The following NRXN1 variants were observed in gnomAD, a reference collection of about 807,000 sequenced individuals.
The protein encoded by NRXN1 is neurexin 1.
A neutral mutation model predicts 150.9 loss-of-function variants in NRXN1; 39 were observed. The observed-to-expected ratio is 0.26, with a 90% CI of 0.20 to 0.34. The LOEUF (loss-of-function observed/expected upper bound fraction) is 0.34, where lower values mean the gene tolerates loss of function less well. NRXN1 is among the 10% of genes least tolerant of loss of function. The pLI, the probability that NRXN1 is intolerant of heterozygous loss-of-function variation, is 1.00. For missense variants in NRXN1, 1,815 were observed against 1,949.9 expected (o/e 0.93, Z 1.30); for synonymous variants, 924 against 757.0 (o/e 1.22, Z -3.62).
In NRXN1 at chr2:50,552,976, T is replaced by C. The variant is rs1373109685; in HGVS notation, c.1370A>G (p.Lys457Arg). Residue 457 changes from lysine to arginine, a missense_variant, in exon 9 of 23, where the codon AAG becomes AGG. By Grantham distance (26) the Lys-to-Arg change is conservative (BLOSUM62 2). Around this residue, in one of 6 missense-constraint regions of NRXN1, gnomAD observed 638 missense variants for 652.6 expected, o/e 0.98. Transcript: ENST00000401669. Reference sequence around the variant, plus strand: ...GATCTTCATCTTAGGATCTCCTTGCTTGGCAAGTCGAGATAATTCCAGCCT... The same window carrying C: ...GATCTTCATCTTAGGATCTCCTTGCCTGGCAAGTCGAGATAATTCCAGCCT... ...DVRLELSRLA[K>R]QGDPKMKIHG... The C allele has an allele frequency of 2.5e-6, 4 of 1,613,404 alleles. No homozygotes were observed. Among genetic ancestry groups the C allele is most frequent in the Non-Finnish European group, 2.5e-6 (3 of 1,179,528 alleles).
chr2:50,480,219 T>C lies in NRXN1; in HGVS notation c.3071-7748A>G, dbSNP rs75528693. 2.7e-3 allele frequency among the ~76,000 whole-genome samples: 406 copies of C among 152,318 alleles called. 9 individuals are homozygous for C. In the East Asian group the frequency reaches 0.035, roughly 13 times the overall value. ...TTAACTGACACATACTGAATTTATT[T>C]GTAGAAAGAGATACAGAGATGAAGA... On this transcript the variant is annotated intron_variant, in intron 15 of 22. Coordinates refer to ENST00000401669, the MANE Select transcript of NRXN1 (RefSeq NM_001330078.2).
intron 5 of NRXN1, among the ~76,000 whole-genome samples, chr2:50,789,338 T>C (rs1574481831): frequency 6.6e-6 from 1 of 152,188 alleles, no homozygotes; most frequent in Non-Finnish European, 1.5e-5. Context: ...CGGCTTAACA[T>C]AAACTCATTG....
intron 5 of NRXN1, among the ~76,000 whole-genome samples, chr2:50,694,259 G>T (rs892659197): frequency 6.6e-6 from 1 of 152,134 alleles, no homozygotes; most frequent in Non-Finnish European, 1.5e-5. Flanking sequence ...AAAGATTCCA[G>T]AAATTTGAGG....
chr2:50,849,475 C>A (rs776621407), intron 5 of NRXN1, among the ~76,000 whole-genome samples: 1 of 152,170 alleles, frequency 6.6e-6, no homozygotes, highest in Non-Finnish European at 1.5e-5. Flanking sequence ...AGAGCCTAAC[C>A]TCTACAAGCA....
Position 51,027,569 on chromosome 2 carries a change from G to A in NRXN1, c.705C>T (p.Ser235=), listed in dbSNP as rs1344122059. ...GGVCLNGGVC[S]VVDDQAVCDC... ...CGCACACGGCCTGGTCGTCCACCAC[G>A]GAGCACACACCTCCGTTGAGGCACA... The change falls in exon 2 of 23, where the codon TCC becomes TCT. Residue 235 remains serine (S), a synonymous_variant. Transcript: ENST00000401669. 3.7e-6 allele frequency: 6 copies of A among 1,602,196 alleles called. No individual in the cohort carries two copies. The highest frequency in any genetic ancestry group is 3.4e-5 in the Admixed American group (2 of 59,492).
intron 5 of NRXN1, among the ~76,000 whole-genome samples, chr2:50,655,986 C>T (rs780658621): frequency 3.9e-5 from 6 of 151,928 alleles, no homozygotes; most frequent in Non-Finnish European, 7.4e-5. Context: ...GGGAAAGCAT[C>T]GACCTCTAGG....
At chr2:50,165,397 G>T (rs565978843) in intron 18 of NRXN1, among the ~76,000 whole-genome samples, 4 of 152,104 alleles carry the variant, frequency 2.6e-5, no homozygotes, top group Non-Finnish European at 4.4e-5. Flanking sequence ...CACCCAGGCT[G>T]GAGTGCAGTG....
intron 2 of NRXN1, among the ~76,000 whole-genome samples, chr2:51,026,802 A>T (rs1249277785): frequency 1.3e-5 from 2 of 152,226 alleles, no homozygotes; most frequent in African/African-American, 4.8e-5. Flanking sequence ...ACAAAATTTT[A>T]CTTAAATTTC....
intron 5 of NRXN1, among the ~76,000 whole-genome samples, chr2:50,895,922 T>G (rs566939111): frequency 6.6e-6 from 1 of 152,098 alleles, no homozygotes. Flanking sequence ...TTCCAAACGA[T>G]TATTAAAACC....
chr2:50,183,020 ATT>A (rs1311552218), intron 18 of NRXN1, among the ~76,000 whole-genome samples: 1 of 152,132 alleles, frequency 6.6e-6, no homozygotes, highest in African/African-American at 2.4e-5. Context: ...AGAGAATGAT[ATT>A]GAGTCTAAAC....
intron 17 of NRXN1, among the ~76,000 whole-genome samples, chr2:50,334,192 A>AATTTTATAT (rs57808424): frequency 3.6e-4 from 43 of 118,946 alleles, no homozygotes; most frequent in African/African-American, 7.3e-4. Context: ...ACCAGGACCA[A>AATTTTATAT]ATATATATAT....
chr2:50,092,452 C>A (rs546000293), intron 18 of NRXN1, among the ~76,000 whole-genome samples: 2 of 152,294 alleles, frequency 1.3e-5, no homozygotes, highest in East Asian at 3.9e-4. Context: ...CTTGTCAGAA[C>A]ACATAACCTC....
intron 19 of NRXN1, among the ~76,000 whole-genome samples, chr2:50,086,397 G>T (rs1195731766): frequency 6.6e-6 from 1 of 152,086 alleles, no homozygotes; most frequent in African/African-American, 2.4e-5. Context: ...TTAAGGTTTA[G>T]ATCTAATACT....
chr2:50,648,835 T>C (rs1685179446), intron 5 of NRXN1, among the ~76,000 whole-genome samples: 1 of 134,684 alleles, frequency 7.4e-6, no homozygotes, highest in Non-Finnish European at 1.5e-5. Context: ...AACTATCAAA[T>C]CCAGTTTCCT....
At chr2:50,377,535 A>G (rs895643785) in intron 17 of NRXN1, among the ~76,000 whole-genome samples, 1 of 151,954 alleles carries the variant, frequency 6.6e-6, no homozygotes, top group African/African-American at 2.4e-5. Context: ...TGTCTTTTTT[A>G]TTATGTTCTC....
intron 5 of NRXN1, among the ~76,000 whole-genome samples, chr2:50,755,308 T>C (rs980864000): frequency 2.0e-5 from 3 of 151,864 alleles, no homozygotes; most frequent in African/African-American, 7.2e-5. Flanking sequence ...ATTTCCTTAT[T>C]TGTAAAATGG....
chr2:49,993,284 T>C (rs775863697), intron 21 of NRXN1, among the ~76,000 whole-genome samples: 1 of 152,108 alleles, frequency 6.6e-6, no homozygotes, highest in Non-Finnish European at 1.5e-5. Context: ...TAAATGCATA[T>C]TACTAAGTGA....
intron 18 of NRXN1, among the ~76,000 whole-genome samples, chr2:50,117,633 G>A (rs1277835329): frequency 3.3e-5 from 5 of 152,044 alleles, no homozygotes; most frequent in Admixed American, 1.3e-4. Context: ...TTCTTGTTAT[G>A]TGCCTCAAAA....
chr2:50,589,252 AG>A (rs1203679068), intron 8 of NRXN1: 1 of 152,290 alleles, frequency 6.6e-6, no homozygotes, highest in Non-Finnish European at 1.5e-5. Context: ...TTTGGTATTG[AG>A]ATATGGCAGG....
Sources: allele counts gnomAD v4.1 joint callset (sites outside exome capture counted in the v4.1 genomes callset), GRCh38; gene constraint gnomAD v4.1.1; regional missense constraint gnomAD v4.1.1; transcripts MANE v1.5; gene names NCBI Gene and HGNC (gene_info 2026-07-23, HGNC 2026-07-21).